Variants in SC5D observed in about 807,000 individuals in gnomAD.
SC5D encodes sterol-C5-desaturase, also known as lathosterol oxidase.
A neutral mutation model predicts 23.9 loss-of-function variants in SC5D; 21 were observed. The observed-to-expected ratio is 0.88, with a 90% CI of 0.62 to 1.26. The LOEUF (loss-of-function observed/expected upper bound fraction) is 1.26, where lower values mean the gene tolerates loss of function less well. SC5D is among the 50% of genes most tolerant of loss of function. The probability of loss-of-function intolerance (pLI) is 0.00; values close to 1 mark genes in which losing one functional copy is unlikely to be tolerated. For missense variants in SC5D, 309 were observed against 364.8 expected (o/e 0.85, Z 1.25); for synonymous variants, 113 against 125.9 (o/e 0.90, Z 0.68).
At chr11:121,299,714 C>T (rs1246532441) in intron 1 of SC5D, among the ~76,000 whole-genome samples, 1 of 152,000 alleles carries the variant, frequency 6.6e-6, no homozygotes, top group African/African-American at 2.4e-5. Flanking sequence ...ATATAATGAG[C>T]CCTTGTCCAT....
intron 1 of SC5D, among the ~76,000 whole-genome samples, chr11:121,302,892 GA>G (rs1947935431): frequency 6.6e-6 from 1 of 152,182 alleles, no homozygotes; most frequent in East Asian, 1.9e-4. Flanking sequence ...ATCTTTTAGG[GA>G]ATTTATCTTA....
chr11:121,295,490 T>A (rs185413472), intron 1 of SC5D, among the ~76,000 whole-genome samples: 67 of 152,314 alleles, frequency 4.4e-4, no homozygotes, highest in African/African-American at 1.6e-3. Flanking sequence ...CAATCAGAAA[T>A]CCATTTGTGT....
chr11:121,301,045 C>T (rs564729820), intron 1 of SC5D, among the ~76,000 whole-genome samples: 13 of 152,300 alleles, frequency 8.5e-5, no homozygotes, highest in African/African-American at 2.9e-4. Context: ...AGAGTTACCC[C>T]ATCATATTAC....
At chr11:121,305,730 AAAGT>A (rs1947959584) in intron 3 of SC5D, 1 of 152,598 alleles carries the variant, frequency 6.6e-6, no homozygotes, top group Non-Finnish European at 1.5e-5. Context: ...AAAGAAAAAA[AAAGT>A]CAGTTATTCA....
At position 121,307,584 on chromosome 11, in the gene SC5D, A is replaced by G. The variant is rs898230477; in HGVS notation, c.*72A>G. On this transcript the variant is annotated 3_prime_UTR_variant, in exon 5 of 5. Transcript: ENST00000264027. ...TCGTATTTCTTTTTTTTAATAAGGA[A>G]AAAATAATATCCATACAGTCAAGAT... 1 of 1,049,284 alleles carries G rather than the reference A, an allele frequency of 9.5e-7. No individual in the cohort carries two copies. The highest frequency in any genetic ancestry group is 1.4e-6 in the Non-Finnish European group (1 of 729,098). The allele number at this position is 1,049,284 out of a possible 1,614,324, so 65.0% of individuals were successfully genotyped here. A position where few individuals can be genotyped will look rare whatever the true frequency, so the allele number is the denominator to read the frequency against.
chr11:121,296,926 G>T (rs573330049), intron 1 of SC5D, among the ~76,000 whole-genome samples: 1 of 152,132 alleles, frequency 6.6e-6, no homozygotes, highest in Admixed American at 6.5e-5. Flanking sequence ...TAAAAACTCA[G>T]TGGGAAAACG....
chr11:121,312,318 C>T lies in SC5D; in HGVS notation c.*4806C>T, dbSNP rs1449865202. 1.3e-5 allele frequency among the ~76,000 whole-genome samples: 2 copies of T among 152,096 alleles called. No individual in the cohort carries two copies. The highest frequency in any genetic ancestry group is 6.5e-5 in the Admixed American group (1 of 15,280). ...TTATTAAAATACATTTAAAATACAGCATTTTTAAATCTCTAAGCTCAACTT... is the reference window on the plus strand; with the variant it reads ...TTATTAAAATACATTTAAAATACAGTATTTTTAAATCTCTAAGCTCAACTT... On this transcript the variant is annotated 3_prime_UTR_variant, in exon 5 of 5. Transcript: ENST00000264027.
intron 1 of SC5D, among the ~76,000 whole-genome samples, chr11:121,295,623 A>G (rs1180354374): frequency 2.0e-5 from 3 of 152,146 alleles, no homozygotes; most frequent in African/African-American, 7.2e-5. Flanking sequence ...TTATTTAGGA[A>G]TAAAGCGGGA....
At chr11:121,304,537 C>A in intron 3 of SC5D, 44 bp downstream of exon 3, 1 of 1,581,884 alleles carries the variant, frequency 6.3e-7, no homozygotes. Context: ...AGTCTAAGCA[C>A]AGGTTAGTTT....
In SC5D at chr11:121,307,180, C is replaced by T. The variant is rs1223198009; in HGVS notation, c.568C>T (p.His190Tyr). ...TATATACCCTTTTATCTTTCCATTA[C>T]ACAAGGTGGTTTATTTAAGTCTGTA... is the stretch of plus-strand genomic sequence containing the variant. ...YHIYPFIFPLHKVVYLSLYIL... is the reference protein window; with the variant it reads ...YHIYPFIFPLYKVVYLSLYIL... Residue 190 changes from histidine to tyrosine, a missense_variant, in exon 5 of 5, where the codon CAC (histidine) becomes TAC (tyrosine). By Grantham distance (83) the His-to-Tyr change is moderately conservative (BLOSUM62 2). Coordinates refer to ENST00000264027, the MANE Select transcript of SC5D (RefSeq NM_006918.5). 1.2e-6 allele frequency: 2 copies of T among 1,614,088 alleles called. No individual in the cohort carries two copies. The highest frequency in any genetic ancestry group is 1.7e-6 in the Non-Finnish European group (2 of 1,179,942).
chr11:121,305,499 TAGG>T (rs1191856179), intron 3 of SC5D: 2 of 151,710 alleles, frequency 1.3e-5, no homozygotes, highest in African/African-American at 4.8e-5. Flanking sequence ...GAGACCGAGG[TAGG>T]AGGATCACGA....
chr11:121,303,493 G>A lies in SC5D; in HGVS notation c.118G>A (p.Val40Ile). 6.2e-7 allele frequency: 1 copy of A among 1,613,896 alleles called. No homozygotes were observed. Among genetic ancestry groups the A allele is most frequent in the East Asian group, 2.2e-5 (1 of 44,854 alleles). Residue 40 changes from valine (V) to isoleucine (I), a missense_variant, in exon 2 of 5, where the codon GTT (valine) becomes ATT (isoleucine). Transcript: ENST00000264027. The stretch of plus-strand genomic sequence containing the variant: ...TATTAGTCTTCTGATTGTAACAAAT[G>A]TTGGTGCTTACATCCTTTATTTCTT... ...QAISLLIVTN[V>I]GAYILYFFCA... is the part of the protein sequence containing the mutation.
At chr11:121,300,740 T>G (rs1947920631) in intron 1 of SC5D, among the ~76,000 whole-genome samples, 2 of 152,192 alleles carry the variant, frequency 1.3e-5, no homozygotes, top group Non-Finnish European at 1.5e-5. Flanking sequence ...TAATTTCCCC[T>G]TTGGCTGACC....
intron 3 of SC5D, chr11:121,305,872 AC>A (rs1947960602): frequency 6.1e-6 from 1 of 163,820 alleles, no homozygotes; most frequent in South Asian, 1.6e-4. Flanking sequence ...GATGAAAGAT[AC>A]AGAGGTAAAA....
intron 1 of SC5D, among the ~76,000 whole-genome samples, chr11:121,296,392 C>T (rs1382247369): frequency 6.6e-6 from 1 of 152,222 alleles, no homozygotes; most frequent in Non-Finnish European, 1.5e-5. Context: ...CTGTCTAACA[C>T]CCACCAACCA....
At chr11:121,298,660 G>T (rs1177689244) in intron 1 of SC5D, among the ~76,000 whole-genome samples, 3 of 152,120 alleles carry the variant, frequency 2.0e-5, no homozygotes, top group Non-Finnish European at 2.9e-5. Context: ...GCTTCTGTTC[G>T]GCACTTTTTG....
chr11:121,310,084 A>T lies in SC5D; in HGVS notation c.*2572A>T, dbSNP rs918067399. Reference sequence around the variant, plus strand: ...GGGGACAGATTTGGAAGAGAATTACACAAGTTCAGTTTTTTGATACATGGA... The same window carrying T: ...GGGGACAGATTTGGAAGAGAATTACTCAAGTTCAGTTTTTTGATACATGGA... On this transcript the variant is annotated 3_prime_UTR_variant, in exon 5 of 5. Transcript: ENST00000264027. Among the ~76,000 whole-genome samples, 1 of 152,166 alleles carries T rather than the reference A, an allele frequency of 6.6e-6. No homozygotes were observed. The highest frequency in any genetic ancestry group is 1.5e-5 in the Non-Finnish European group (1 of 68,040).
Position 121,299,183 on chromosome 11 carries a change from T to C in SC5D, c.-10-4183T>C, listed in dbSNP as rs185821082. ...AATAATCATTGCTTAAGCAGAAATATATTAATAAGACAGATGACATTGGTA... is the reference window on the plus strand; with the variant it reads ...AATAATCATTGCTTAAGCAGAAATACATTAATAAGACAGATGACATTGGTA... On this transcript the variant is annotated intron_variant, in intron 1 of 4. Coordinates refer to ENST00000264027, the MANE Select transcript of SC5D (RefSeq NM_006918.5). Among the ~76,000 whole-genome samples the C allele has an allele frequency of 3.7e-3, 564 of 151,102 alleles. 18 individuals carry two copies. The highest frequency in any genetic ancestry group is 0.032 in the Admixed American group (483 of 15,244).
Position 121,299,709 on chromosome 11 carries a change from A to G in SC5D, c.-10-3657A>G, listed in dbSNP as rs546497112. ...GTTTGAGACCAGCCTGGGCAATATA[A>G]TGAGCCCTTGTCCATACAAAAAAAT... is the stretch of plus-strand genomic sequence containing the variant. On this transcript the variant is annotated intron_variant, in intron 1 of 4. Coordinates refer to ENST00000264027, the MANE Select transcript of SC5D (RefSeq NM_006918.5). 3.3e-5 allele frequency among the ~76,000 whole-genome samples: 5 copies of G among 152,272 alleles called. No homozygotes were observed. The East Asian group carries it at 9.7e-4, about 29-fold the overall frequency.
Sources: gnomAD v4.1 joint callset for allele counts (sites outside exome capture counted in the v4.1 genomes callset) on GRCh38, gnomAD v4.1.1 for gene constraint, MANE v1.5 for transcripts, NCBI Gene and HGNC (gene_info 2026-07-23, HGNC 2026-07-21) for gene names.